FBXO33: variants seen among roughly 807,000 people sequenced by gnomAD.
The protein encoded by FBXO33 is F-box protein 33.
Under a neutral mutation model 46.3 loss-of-function variants are expected in FBXO33, and 22 were observed. The observed-to-expected ratio is 0.48, with a 90% CI of 0.34 to 0.68. The LOEUF (loss-of-function observed/expected upper bound fraction) is 0.68. Ranked by LOEUF, FBXO33 falls within the 30% of genes least tolerant of loss-of-function variation. The pLI is 0.01. For missense variants in FBXO33, 692 were observed against 708.8 expected (o/e 0.98, Z 0.27); for synonymous variants, 337 against 291.3 (o/e 1.16, Z -1.60).
chr14:39,407,684 C>A (rs575190210), intron 1 of FBXO33, among the ~76,000 whole-genome samples: 1 of 152,250 alleles, frequency 6.6e-6, no homozygotes, highest in Admixed American at 6.5e-5. Context: ...ATCACATTTT[C>A]TTTATGCATC....
intron 1 of FBXO33, among the ~76,000 whole-genome samples, chr14:39,420,146 G>C (rs998145108): frequency 6.6e-6 from 1 of 152,156 alleles, no homozygotes; most frequent in Non-Finnish European, 1.5e-5. Flanking sequence ...TATATTGTGT[G>C]CCAATGACAT....
chr14:39,411,425 C>T (rs2075421829), intron 1 of FBXO33, among the ~76,000 whole-genome samples: 1 of 151,626 alleles, frequency 6.6e-6, no homozygotes, highest in Non-Finnish European at 1.5e-5. Context: ...GCATTTTTTG[C>T]TATAAATTTT....
intron 1 of FBXO33, among the ~76,000 whole-genome samples, chr14:39,423,628 C>G (rs183073972): frequency 6.0e-4 from 92 of 152,148 alleles, no homozygotes; most frequent in African/African-American, 2.0e-3. Flanking sequence ...CAACATTGAG[C>G]AAAAGAGGTC....
At chr14:39,421,102 A>G (rs1175674994) in intron 1 of FBXO33, among the ~76,000 whole-genome samples, 3 of 151,678 alleles carry the variant, frequency 2.0e-5, no homozygotes, top group East Asian at 1.9e-4. Context: ...CTAATAGGAC[A>G]TCGGTATGAA....
At chr14:39,409,340 A>ACTAT (rs1465566071) in intron 1 of FBXO33, among the ~76,000 whole-genome samples, 1 of 152,120 alleles carries the variant, frequency 6.6e-6, no homozygotes, top group African/African-American at 2.4e-5. Flanking sequence ...TGTTGAAGAG[A>ACTAT]CTATCCTTTC....
Position 39,432,213 on chromosome 14 carries a change from A to C in FBXO33, c.-51T>G. On this transcript the variant is annotated 5_prime_UTR_variant, in exon 1 of 4. Transcript: ENST00000298097. ...ACCGTCGTGGGTCTCGGCGGAACCA[A>C]GTAGAACACAAGTTGTGGAGAGGGG... 8.4e-7 allele frequency: 1 copy of C among 1,184,072 alleles called. No individual in the cohort carries two copies. Among genetic ancestry groups the C allele is most frequent in the Non-Finnish European group, 1.0e-6 (1 of 954,766 alleles). 73.3% of individuals were successfully genotyped at this position (1,184,072 alleles called of 1,614,324 possible).
intron 1 of FBXO33, among the ~76,000 whole-genome samples, chr14:39,419,371 A>T (rs2075468213): frequency 6.6e-6 from 1 of 152,238 alleles, no homozygotes; most frequent in South Asian, 2.1e-4. Flanking sequence ...AAAAAATGAC[A>T]ACTCAAGGGC....
At chr14:39,425,808 A>C (rs2075510060) in intron 1 of FBXO33, among the ~76,000 whole-genome samples, 1 of 152,222 alleles carries the variant, frequency 6.6e-6, no homozygotes, top group East Asian at 1.9e-4. Flanking sequence ...GAGCGCTCGA[A>C]ATGTGGCTAG....
intron 1 of FBXO33, among the ~76,000 whole-genome samples, chr14:39,411,666 G>A (rs1369579883): frequency 2.6e-5 from 4 of 151,860 alleles, no homozygotes; most frequent in Non-Finnish European, 4.4e-5. Context: ...GCGACTACAG[G>A]TGCATGCCAC....
rs573493207 is a variant in FBXO33 at position 39,420,515 on chromosome 14, G to A, written c.599+11049C>T. 4.8e-3 allele frequency among the ~76,000 whole-genome samples: 735 copies of A among 152,168 alleles called. 3 individuals carry two copies. The highest frequency in any genetic ancestry group is 7.4e-3 in the Non-Finnish European group (506 of 67,982). ...AACCTGGCTAACACGGTGAAACCCC[G>A]TCTCTACTAAAAATACAAAAAATTA... On this transcript the variant is annotated intron_variant, in intron 1 of 3. Coordinates refer to ENST00000298097, the MANE Select transcript of FBXO33 (RefSeq NM_203301.4).
At chr14:39,411,139 G>A (rs1475465891) in intron 1 of FBXO33, among the ~76,000 whole-genome samples, 1 of 151,438 alleles carries the variant, frequency 6.6e-6, no homozygotes, top group South Asian at 2.1e-4. Context: ...ACTGTCGCCA[G>A]GGCTGGAGTG....
chr14:39,399,743 G>A lies in FBXO33; in HGVS notation c.1441C>T (p.Arg481Trp), dbSNP rs1401570495. The change falls in exon 4 of 4, where the codon CGG becomes TGG. Residue 481 changes from arginine to tryptophan, a missense_variant. By Grantham distance (101) the Arg-to-Trp change is moderately radical. Transcript: ENST00000298097. ...AHNLIAIARL[R>W]GSDLKVLEVT... ...TCAAGCACTTTCAGATCAGAGCCCC[G>A]AAGACGAGCAATGGCAATGAGGTTG... The A allele has an allele frequency of 6.2e-7, 1 of 1,610,576 alleles. No individual in the cohort carries two copies. Among genetic ancestry groups the A allele is most frequent in the Non-Finnish European group, 8.5e-7 (1 of 1,177,188 alleles).
At chr14:39,400,970 G>A (rs992941537) in intron 3 of FBXO33, among the ~76,000 whole-genome samples, 1 of 152,144 alleles carries the variant, frequency 6.6e-6, no homozygotes, top group African/African-American at 2.4e-5. Flanking sequence ...AAAAGTAACA[G>A]GGAAGCTGGA....
rs774590741 is a variant in FBXO33 at position 39,431,580 on chromosome 14, T to A, written c.583A>T (p.Ser195Cys). 4.3e-6 allele frequency: 7 copies of A among 1,612,660 alleles called. No homozygotes were observed. Residue 195 changes from serine to cysteine, a missense_variant, in exon 1 of 4, where the codon AGC (serine) becomes TGC (cysteine). By Grantham distance (112) the Ser-to-Cys change is moderately radical (BLOSUM62 -1). Around this residue, in one of 3 missense-constraint regions of FBXO33, gnomAD observed 412 missense variants for 370.8 expected, o/e 1.11. Transcript: ENST00000298097. The stretch of plus-strand genomic sequence containing the variant: ...CAAGCCTACCTGTTGTTCCGGATGC[T>A]GACCAGCACGCAAAGCACCAGCTCC... ...YLELVLCVLV[S>C]IRNNRNLQKF...
At chr14:39,406,645 G>A (rs2075400085) in intron 1 of FBXO33, among the ~76,000 whole-genome samples, 1 of 152,076 alleles carries the variant, frequency 6.6e-6, no homozygotes, top group African/African-American at 2.4e-5. Context: ...AGAATTTTAG[G>A]GCAGAGTACC....
chr14:39,398,454 GTTT>G lies in FBXO33; in HGVS notation c.*1059_*1061del, dbSNP rs1182585994. 5.6e-5 allele frequency: 7 copies of G among 125,312 alleles called. No homozygotes were observed. The highest frequency in any genetic ancestry group is 9.0e-5 in the African/African-American group (3 of 33,280). 7.8% of individuals were successfully genotyped at this position (125,312 alleles called of 1,614,324 possible). On this transcript the variant is annotated 3_prime_UTR_variant, in exon 4 of 4. Transcript: ENST00000298097. ...ACTATTCACAGTGAAACAGGTGCATGTTTTTTTTTTCTTTTTTTTTTTTTTTTG... is the reference window on the plus strand; with the variant it reads ...ACTATTCACAGTGAAACAGGTGCATGTTTTTTTCTTTTTTTTTTTTTTTTG...
chr14:39,419,625 A>G (rs2075470474), intron 1 of FBXO33, among the ~76,000 whole-genome samples: 1 of 152,248 alleles, frequency 6.6e-6, no homozygotes, highest in South Asian at 2.1e-4. Context: ...CTTTTAATTA[A>G]GGTGAACTCA....
In FBXO33 at chr14:39,426,859, A is replaced by C. The variant is rs145750832; in HGVS notation, c.599+4705T>G. 4.8e-3 allele frequency among the ~76,000 whole-genome samples: 737 copies of C among 152,224 alleles called. 2 individuals are homozygous for C. Among genetic ancestry groups the C allele is most frequent in the African/African-American group, 0.017 (698 of 41,530 alleles). On this transcript the variant is annotated intron_variant, in intron 1 of 3. Coordinates refer to ENST00000298097, the MANE Select transcript of FBXO33 (RefSeq NM_203301.4). ...AGTGACTATTACATCCTTCTGTTTTATTTTCAGATTTTATTTTCACAACCT... is the reference window on the plus strand; with the variant it reads ...AGTGACTATTACATCCTTCTGTTTTCTTTTCAGATTTTATTTTCACAACCT...
At chr14:39,416,619 T>A (rs995107231) in intron 1 of FBXO33, among the ~76,000 whole-genome samples, 1 of 152,120 alleles carries the variant, frequency 6.6e-6, no homozygotes, top group African/African-American at 2.4e-5. Flanking sequence ...CAGCTGCTTA[T>A]TGAACTCCTG....
Sources: allele counts gnomAD v4.1 joint callset (sites outside exome capture counted in the v4.1 genomes callset), GRCh38; gene constraint gnomAD v4.1.1; regional missense constraint gnomAD v4.1.1; transcripts MANE v1.5; gene names NCBI Gene and HGNC (gene_info 2026-07-23, HGNC 2026-07-21).